Variants in SGK1 observed in about 807,000 individuals in gnomAD.
The protein encoded by SGK1 is serine/threonine-protein kinase Sgk1.
Under a neutral mutation model 64.2 loss-of-function variants are expected in SGK1, and 26 were observed. The ratio of observed to expected loss-of-function variants is 0.40; its 90% CI spans 0.30 to 0.56. The LOEUF is 0.56. SGK1 is among the 20% of genes least tolerant of loss of function. SGK1 has a pLI of 0.38. For synonymous variants in SGK1, 265 were observed against 239.7 expected, an observed-to-expected ratio of 1.11 and a Z score of -0.98; for missense variants, 519 against 645.6, an observed-to-expected ratio of 0.80 and a Z score of 2.12.
At chr6:134,284,169 T>C (rs912623963) in intron 1 of SGK1, among the ~76,000 whole-genome samples, 1 of 152,194 alleles carries the variant, frequency 6.6e-6, no homozygotes, top group African/African-American at 2.4e-5. Context: ...CTCAGCTCAC[T>C]GCAACCTCTG....
chr6:134,179,484 A>G (rs1010591581), intron 3 of SGK1, among the ~76,000 whole-genome samples: 2 of 145,284 alleles, frequency 1.4e-5, no homozygotes, highest in Non-Finnish European at 3.0e-5. Context: ...GGTTGTCAGC[A>G]AAGGCATGTC....
At chr6:134,280,038 A>T (rs1777070489) in intron 1 of SGK1, among the ~76,000 whole-genome samples, 1 of 151,878 alleles carries the variant, frequency 6.6e-6, no homozygotes, top group Non-Finnish European at 1.5e-5. Flanking sequence ...ACAATAAGAT[A>T]AAAAAATATA....
chr6:134,257,430 C>T (rs1277671556), intron 2 of SGK1, among the ~76,000 whole-genome samples: 2 of 152,084 alleles, frequency 1.3e-5, no homozygotes, highest in South Asian at 2.1e-4. Context: ...CAAAACAAAA[C>T]AAAAAACCCA....
intron 3 of SGK1, among the ~76,000 whole-genome samples, chr6:134,192,593 T>A (rs1214712176): frequency 6.8e-6 from 1 of 146,808 alleles, no homozygotes; most frequent in Non-Finnish European, 1.5e-5. Flanking sequence ...CCCACCTCCA[T>A]CCATCCCCCC....
chr6:134,185,345 T>C (rs1775404323), intron 3 of SGK1, among the ~76,000 whole-genome samples: 1 of 152,132 alleles, frequency 6.6e-6, no homozygotes, highest in Non-Finnish European at 1.5e-5. Context: ...TATCCCTTTA[T>C]ATCCTCCCAA....
chr6:134,176,407 C>A (rs1775234366), intron 3 of SGK1, among the ~76,000 whole-genome samples: 1 of 152,248 alleles, frequency 6.6e-6, no homozygotes, highest in Non-Finnish European at 1.5e-5. Context: ...CTCGAGGCGG[C>A]GGCCCGGGCT....
rs1331902594 is a variant in SGK1 at position 134,172,783 on chromosome 6, G to A, written c.835-9C>T. ...TGGAGATGGTAGAACAACTGCAGGA[G>A]ACAGAACAAAGTCATTCTGGGTTGC... is the stretch of plus-strand genomic sequence containing the variant. On this transcript the variant is annotated splice_polypyrimidine_tract_variant and intron_variant, in intron 8 of 13. Transcript: ENST00000367858. The A allele has an allele frequency of 1.9e-6, 3 of 1,586,276 alleles. No individual in the cohort carries two copies. The African/African-American group carries it at 4.0e-5, about 21-fold the overall frequency.
chr6:134,193,243 T>G (rs1775543467), intron 3 of SGK1, among the ~76,000 whole-genome samples: 1 of 152,220 alleles, frequency 6.6e-6, no homozygotes, highest in Admixed American at 6.5e-5. Context: ...TAGGAGTACG[T>G]TATAAGTCCT....
intron 10 of SGK1, 81 bp downstream of exon 10, chr6:134,172,112 T>C: frequency 6.7e-7 from 1 of 1,487,828 alleles, no homozygotes; most frequent in Non-Finnish European, 9.2e-7. Flanking sequence ...GTTTACTCTT[T>C]TTGGTAGTTA....
intron 1 of SGK1, among the ~76,000 whole-genome samples, chr6:134,276,632 A>C (rs1349868355): frequency 6.6e-6 from 1 of 152,056 alleles, no homozygotes. Context: ...CCCAGGGGAA[A>C]AGCATCCTAG....
At chr6:134,269,395 T>C (rs1429613272) in intron 1 of SGK1, among the ~76,000 whole-genome samples, 1 of 147,270 alleles carries the variant, frequency 6.8e-6, no homozygotes, top group Non-Finnish European at 1.5e-5. Context: ...CAATAGATTA[T>C]AAAAAGGGAG....
At chr6:134,180,670 T>A (rs1308990802) in intron 3 of SGK1, among the ~76,000 whole-genome samples, 1 of 151,936 alleles carries the variant, frequency 6.6e-6, no homozygotes, top group African/African-American at 2.4e-5. Flanking sequence ...CTCAGGAGTT[T>A]GAGACCAGCC....
At chr6:134,303,591 A>C (rs1777491378) in intron 1 of SGK1, among the ~76,000 whole-genome samples, 1 of 151,972 alleles carries the variant, frequency 6.6e-6, no homozygotes, top group Non-Finnish European at 1.5e-5. Flanking sequence ...AGTTGGATAC[A>C]GTTTGAAAAA....
At chr6:134,247,149 C>T (rs1486463414) in intron 2 of SGK1, among the ~76,000 whole-genome samples, 5 of 152,108 alleles carry the variant, frequency 3.3e-5, no homozygotes. Flanking sequence ...TTATCCTTCC[C>T]CACCACCATT....
chr6:134,297,923 G>C (rs1395268872), intron 1 of SGK1: 7 of 804,794 alleles, frequency 8.7e-6, no homozygotes, highest in South Asian at 4.0e-5. Context: ...TGATCTCCTC[G>C]TACTGCGCCT....
intron 2 of SGK1, among the ~76,000 whole-genome samples, chr6:134,248,367 G>T (rs1383757281): frequency 6.6e-6 from 1 of 150,950 alleles, no homozygotes; most frequent in Non-Finnish European, 1.5e-5. Context: ...TTGATACAAG[G>T]TCAATAATGT....
intron 1 of SGK1, among the ~76,000 whole-genome samples, chr6:134,313,671 TC>T (rs1777638250): frequency 6.6e-6 from 1 of 151,994 alleles, no homozygotes; most frequent in South Asian, 2.1e-4. Context: ...AAGAGGGAAG[TC>T]AGAGGGAGAA....
intron 1 of SGK1, among the ~76,000 whole-genome samples, chr6:134,283,868 A>ACCAC (rs370795113): frequency 0.028 from 2,134 of 75,038 alleles, 83 homozygotes; most frequent in Middle Eastern, 0.06. Flanking sequence ...GTCCCCTGCC[A>ACCAC]CCACCAAAAA....
At chr6:134,234,766 C>T (rs888624604) in intron 2 of SGK1, among the ~76,000 whole-genome samples, 1 of 152,162 alleles carries the variant, frequency 6.6e-6, no homozygotes, top group African/African-American at 2.4e-5. Context: ...ATCCCAGCTA[C>T]TCAGGAGGCT....
Sources: gnomAD v4.1 joint callset for allele counts (sites outside exome capture counted in the v4.1 genomes callset) on GRCh38, gnomAD v4.1.1 for gene constraint, MANE v1.5 for transcripts, NCBI Gene and HGNC (gene_info 2026-07-23, HGNC 2026-07-21) for gene names.